Variants in DENND1B observed in about 807,000 individuals in gnomAD.
DENND1B encodes DENN domain-containing protein 1B.
DENND1B carries 59 observed loss-of-function variants against 90.1 expected under a neutral mutation model. The ratio of observed to expected loss-of-function variants is 0.65; its 90% CI spans 0.53 to 0.81. The LOEUF (loss-of-function observed/expected upper bound fraction) is 0.81, where lower values mean the gene tolerates loss of function less well. Ranked by LOEUF, DENND1B falls within the 40% of genes least tolerant of loss-of-function variation. The pLI, the probability that DENND1B is intolerant of heterozygous loss-of-function variation, is 0.00. For missense variants in DENND1B, 862 were observed against 912.6 expected (o/e 0.94, Z 0.71); for synonymous variants, 337 against 324.6 (o/e 1.04, Z -0.41).
At chr1:197,518,485 C>T (rs1019695600) in intron 20 of DENND1B, among the ~76,000 whole-genome samples, 1 of 151,868 alleles carries the variant, frequency 6.6e-6, no homozygotes, top group Non-Finnish European at 1.5e-5. Context: ...AAACCAGGAA[C>T]CTTAGCAAAT....
intron 14 of DENND1B, among the ~76,000 whole-genome samples, chr1:197,585,342 C>T (rs1674606886): frequency 6.6e-6 from 1 of 152,216 alleles, no homozygotes; most frequent in African/African-American, 2.4e-5. Context: ...TCTGGCATCA[C>T]TGCTATTACA....
intron 2 of DENND1B, among the ~76,000 whole-genome samples, chr1:197,761,139 G>A (rs1571655498): frequency 2.0e-5 from 3 of 152,126 alleles, no homozygotes; most frequent in East Asian, 1.9e-4. Flanking sequence ...GTAAAACTAA[G>A]ACTCCAAAAC....
chr1:197,526,666 C>G (rs891523362), intron 20 of DENND1B, among the ~76,000 whole-genome samples: 2 of 152,034 alleles, frequency 1.3e-5, no homozygotes, highest in African/African-American at 4.8e-5. Context: ...TAAAATGTCT[C>G]AAAATATATA....
chr1:197,758,646 G>A (rs74688795), intron 2 of DENND1B, among the ~76,000 whole-genome samples: 1 of 152,012 alleles, frequency 6.6e-6, no homozygotes, highest in African/African-American at 2.4e-5. Flanking sequence ...TTCAACTCTC[G>A]GTCCAGTATC....
chr1:197,725,886 T>C (rs1026540421), intron 2 of DENND1B, among the ~76,000 whole-genome samples: 7 of 151,916 alleles, frequency 4.6e-5, no homozygotes, highest in Non-Finnish European at 1.0e-4. Flanking sequence ...AACTGAAAGG[T>C]AATAAAATAA....
rs779250596 is a variant in DENND1B at position 197,545,963 on chromosome 1, T to C, written c.1309A>G (p.Met437Val). ...CGTACAGCAGGGGTTGCTTTGGTCATTGCTGTGTTGAACAGTGCACCTCCT... is the reference window on the plus strand; with the variant it reads ...CGTACAGCAGGGGTTGCTTTGGTCACTGCTGTGTTGAACAGTGCACCTCCT... ...KKGGALFNTA[M>V]TKATPAVRTA... The change falls in exon 18 of 23, where the codon ATG becomes GTG. Residue 437 changes from methionine (M) to valine (V), a missense_variant. Coordinates refer to ENST00000620048, the MANE Select transcript of DENND1B (RefSeq NM_001195215.2). 7.5e-6 allele frequency: 12 copies of C among 1,607,906 alleles called. No individual in the cohort carries two copies. The highest frequency in any genetic ancestry group is 4.5e-5 in the East Asian group (2 of 44,734).
chr1:197,691,543 G>A (rs984411342), intron 3 of DENND1B, among the ~76,000 whole-genome samples: 6 of 151,954 alleles, frequency 3.9e-5, no homozygotes, highest in African/African-American at 1.2e-4. Flanking sequence ...AGCAGCTATG[G>A]AAAACAGTTT....
At position 197,539,987 on chromosome 1, in the gene DENND1B, A is replaced by C. The variant is rs1349366011; in HGVS notation, c.1492T>G (p.Ser498Ala). 1.2e-6 allele frequency: 2 copies of C among 1,613,188 alleles called. No homozygotes were observed. The highest frequency in any genetic ancestry group is 2.7e-5 in the African/African-American group (2 of 75,026). Residue 498 changes from serine (S) to alanine (A), a missense_variant, in exon 20 of 23, where the codon TCA (serine) becomes GCA (alanine). By Grantham distance (99) the Ser-to-Ala change is moderately conservative. Coordinates refer to ENST00000620048, the MANE Select transcript of DENND1B (RefSeq NM_001195215.2). The stretch of plus-strand genomic sequence containing the variant: ...ACCTGAGCAAGCTTACGCTTTTCTG[A>C]GTTTCCTCCCTTTTCATTGTGTAAT... ...YKLHNEKGGN[S>A]EKRKLAQARL...
chr1:197,643,162 C>G (rs1488172439), intron 9 of DENND1B, among the ~76,000 whole-genome samples: 1 of 151,600 alleles, frequency 6.6e-6, no homozygotes, highest in African/African-American at 2.4e-5. Flanking sequence ...TGTATGTCCC[C>G]AAGAATCTGC....
At chr1:197,744,620 G>A (rs1182325955) in intron 2 of DENND1B, among the ~76,000 whole-genome samples, 1 of 152,208 alleles carries the variant, frequency 6.6e-6, no homozygotes, top group African/African-American at 2.4e-5. Context: ...AGGCAGAGTA[G>A]ATTTAGCATA....
At chr1:197,545,619 A>C (rs986890225) in intron 18 of DENND1B, 2 of 258,844 alleles carry the variant, frequency 7.7e-6, no homozygotes, top group African/African-American at 4.5e-5. Flanking sequence ...AAATGTTGTT[A>C]AATGAAATAA....
At chr1:197,747,055 T>C in intron 2 of DENND1B, 2 of 790,676 alleles carry the variant, frequency 2.5e-6, no homozygotes, top group Non-Finnish European at 4.6e-6. Context: ...GACTCCAAAA[T>C]ACTGAGTAAG....
chr1:197,660,022 T>C (rs1401914963), intron 5 of DENND1B, among the ~76,000 whole-genome samples: 1 of 151,770 alleles, frequency 6.6e-6, no homozygotes, highest in African/African-American at 2.4e-5. Flanking sequence ...TTAATATCCT[T>C]AGGAGCTGAA....
chr1:197,654,237 C>T (rs1572206368), intron 6 of DENND1B, among the ~76,000 whole-genome samples: 2 of 152,070 alleles, frequency 1.3e-5, no homozygotes, highest in East Asian at 1.9e-4. Flanking sequence ...TAAATAATAC[C>T]TCCCTTACTT....
intron 9 of DENND1B, among the ~76,000 whole-genome samples, chr1:197,644,626 ACCT>A (rs67128631): frequency 0.16 from 24,263 of 152,078 alleles, 2,198 homozygotes; most frequent in Non-Finnish European, 0.2. Flanking sequence ...CCATTATGTC[ACCT>A]GAGAGCTTTG....
At chr1:197,619,595 G>A (rs1433341096) in intron 10 of DENND1B, among the ~76,000 whole-genome samples, 3 of 151,006 alleles carry the variant, frequency 2.0e-5, no homozygotes, top group South Asian at 2.1e-4. Context: ...GGAAAAACAC[G>A]TTCTTAATGT....
chr1:197,582,442 A>G (rs1190828542), intron 15 of DENND1B, among the ~76,000 whole-genome samples: 1 of 152,148 alleles, frequency 6.6e-6, no homozygotes, highest in Non-Finnish European at 1.5e-5. Flanking sequence ...TTTAATTCAC[A>G]TAGTAAACTT....
intron 20 of DENND1B, among the ~76,000 whole-genome samples, chr1:197,529,931 C>T (rs1558207105): frequency 1.3e-5 from 2 of 152,108 alleles, no homozygotes; most frequent in African/African-American, 4.8e-5. Flanking sequence ...AGGATCCTTT[C>T]CCTGGAGTCC....
chr1:197,761,285 T>G (rs941755901), intron 2 of DENND1B, among the ~76,000 whole-genome samples: 1 of 152,130 alleles, frequency 6.6e-6, no homozygotes, highest in Admixed American at 6.5e-5. Context: ...GTAAAAATGA[T>G]GAAGACCTTC....
Sources: allele counts gnomAD v4.1 joint callset (sites outside exome capture counted in the v4.1 genomes callset), GRCh38; gene constraint gnomAD v4.1.1; transcripts MANE v1.5; gene names NCBI Gene and HGNC (gene_info 2026-07-23, HGNC 2026-07-21).